The following OXSR1 variants were observed in gnomAD, a reference collection of about 807,000 sequenced individuals.
OXSR1 encodes the protein oxidative stress responsive kinase 1.
Under a neutral mutation model 79.8 loss-of-function variants are expected in OXSR1, and 24 were observed. That is an observed-to-expected ratio of 0.30 (90% confidence interval 0.22 to 0.42). OXSR1 has a LOEUF of 0.42. Among genes scored for constraint, OXSR1 ranks in the 10% least tolerant of loss-of-function variants. The pLI is 1.00. For synonymous variants in OXSR1, 226 were observed against 209.2 expected (o/e 1.08, Z -0.69); for missense variants, 430 against 618.4 (o/e 0.70, Z 3.23).
chr3:38,166,717 G>C (rs1316083146), intron 1 of OXSR1, among the ~76,000 whole-genome samples: 2 of 150,808 alleles, frequency 1.3e-5, no homozygotes, highest in African/African-American at 4.9e-5. Context: ...TTGAACCCGG[G>C]AGGCGGAGCT....
chr3:38,178,351 G>A (rs1017640583), intron 1 of OXSR1, among the ~76,000 whole-genome samples: 16 of 152,032 alleles, frequency 1.1e-4, no homozygotes, highest in African/African-American at 1.9e-4. Context: ...TGTTGCCTAT[G>A]GTTGTGTTTA....
chr3:38,181,019 G>A (rs1298576026), intron 1 of OXSR1, among the ~76,000 whole-genome samples: 1 of 151,978 alleles, frequency 6.6e-6, no homozygotes, highest in African/African-American at 2.4e-5. Flanking sequence ...CACAGGCTTT[G>A]GGGATTAAGA....
chr3:38,203,913 C>T (rs1702217565), intron 4 of OXSR1, among the ~76,000 whole-genome samples: 1 of 152,212 alleles, frequency 6.6e-6, no homozygotes, highest in Admixed American at 6.5e-5. Context: ...CTGTGTTCCT[C>T]CTTTCATGGC....
intron 4 of OXSR1, among the ~76,000 whole-genome samples, chr3:38,212,133 A>G (rs928026309): frequency 7.9e-5 from 12 of 151,956 alleles, no homozygotes; most frequent in African/African-American, 2.7e-4. Context: ...TCCCTGGGTA[A>G]TTCTAATATG....
intron 8 of OXSR1, among the ~76,000 whole-genome samples, chr3:38,228,290 A>G (rs1248591362): frequency 6.6e-6 from 1 of 152,244 alleles, no homozygotes; most frequent in Non-Finnish European, 1.5e-5. Context: ...GTCAGAAGAA[A>G]GGAATGAATA....
intron 16 of OXSR1, among the ~76,000 whole-genome samples, chr3:38,251,995 C>T (rs752112766): frequency 4.6e-5 from 7 of 152,212 alleles, no homozygotes; most frequent in Non-Finnish European, 1.0e-4. Flanking sequence ...CTTAGCTTGC[C>T]GGAGAACAAA....
intron 14 of OXSR1, among the ~76,000 whole-genome samples, chr3:38,248,465 G>A (rs1056568204): frequency 3.3e-5 from 5 of 151,184 alleles, no homozygotes; most frequent in Admixed American, 2.0e-4. Flanking sequence ...AAAAAAATTA[G>A]TATTAAAGTA....
intron 4 of OXSR1, among the ~76,000 whole-genome samples, chr3:38,200,245 CAG>C (rs3831838): frequency 2.3e-3 from 342 of 147,934 alleles, no homozygotes; most frequent in African/African-American, 2.0e-3. Context: ...CTTCTTTAGG[CAG>C]AGAGAGAGAG....
chr3:38,169,777 C>T (rs576993232), intron 1 of OXSR1, among the ~76,000 whole-genome samples: 1 of 151,568 alleles, frequency 6.6e-6, no homozygotes, highest in South Asian at 2.1e-4. Context: ...TACTCTGTCA[C>T]CTAGGGTGGA....
At position 38,189,975 on chromosome 3, in the gene OXSR1, G is replaced by A. The variant is rs148359360; in HGVS notation, c.184-756G>A. Among the ~76,000 whole-genome samples the A allele has an allele frequency of 6.4e-3, 967 of 152,274 alleles. 14 individuals are homozygous for A. The highest frequency in any genetic ancestry group is 0.021 in the African/African-American group (883 of 41,542). On this transcript the variant is annotated intron_variant, in intron 2 of 17. Transcript: ENST00000311806. The stretch of plus-strand genomic sequence containing the variant: ...GGGTGCTTGGAAGCTAAGAGAAGGA[G>A]CATCTAACTAAACCTGGGAAGCTGG...
At chr3:38,180,678 A>T (rs573392929) in intron 1 of OXSR1, among the ~76,000 whole-genome samples, 1 of 151,804 alleles carries the variant, frequency 6.6e-6, no homozygotes, top group Non-Finnish European at 1.5e-5. Flanking sequence ...CTATAAGTGC[A>T]CACCACCACG....
intron 12 of OXSR1, among the ~76,000 whole-genome samples, chr3:38,244,666 T>TGTGTGTGTGTGCGCGC (rs748851263): frequency 6.9e-5 from 10 of 144,062 alleles, no homozygotes; most frequent in South Asian, 2.2e-4. Flanking sequence ...TGTGTGTGTG[T>TGTGTGTGTGTGCGCGC]GCGTGCGCAT....
intron 1 of OXSR1, among the ~76,000 whole-genome samples, chr3:38,170,266 G>A (rs968623481): frequency 2.0e-5 from 3 of 151,810 alleles, no homozygotes; most frequent in South Asian, 2.1e-4. Flanking sequence ...GGCTGGTCTC[G>A]AACTCCTTAC....
At chr3:38,191,197 C>T (rs1701974895) in intron 3 of OXSR1, among the ~76,000 whole-genome samples, 2 of 152,010 alleles carry the variant, frequency 1.3e-5, no homozygotes, top group Admixed American at 6.6e-5. Flanking sequence ...AGGCATGTAC[C>T]ACCATGCTCA....
Position 38,252,990 on chromosome 3 carries a change from C to A in OXSR1, c.*99C>A. The A allele has an allele frequency of 1.1e-6, 1 of 887,830 alleles. No homozygotes were observed. The highest frequency in any genetic ancestry group is 2.0e-5 in the Admixed American group (1 of 51,126). The allele number at this position is 887,830 out of a possible 1,614,324, so 55.0% of individuals were successfully genotyped here. ...CCACTACTGCCAAAGAACCCAGCAA[C>A]AAACCTCCCGGCTAGGAGCTTTAGA... On this transcript the variant is annotated 3_prime_UTR_variant, in exon 18 of 18. Transcript: ENST00000311806.
chr3:38,222,038 G>A (rs1702599828), intron 6 of OXSR1, among the ~76,000 whole-genome samples: 1 of 152,110 alleles, frequency 6.6e-6, no homozygotes, highest in African/African-American at 2.4e-5. Context: ...CTTAATAGAT[G>A]CTTCACATAA....
At chr3:38,207,932 TTTCCTTCCTTCCTTCC>T (rs1202436620) in intron 4 of OXSR1, among the ~76,000 whole-genome samples, 2 of 95,126 alleles carry the variant, frequency 2.1e-5, no homozygotes, top group Admixed American at 1.5e-4. Flanking sequence ...CTCCCCTCCC[TTTCCTTCCTTCCTTCC>T]TTCCTTCCTT....
intron 8 of OXSR1, among the ~76,000 whole-genome samples, chr3:38,229,134 T>G (rs892638143): frequency 1.3e-5 from 2 of 152,102 alleles, no homozygotes; most frequent in Non-Finnish European, 2.9e-5. Context: ...AAACACTGAG[T>G]TTTGTTAAAT....
intron 2 of OXSR1, among the ~76,000 whole-genome samples, chr3:38,184,899 ATTTCTTTTTTTTTTTTTTTTTTTTTTTT>A (rs1405398714): frequency 2.7e-5 from 2 of 72,742 alleles, no homozygotes; most frequent in African/African-American, 1.0e-4. Flanking sequence ...TAGAAAGAAC[ATTTCTTTTTTTTTTTTTTTTTTTTTTTT>A]TTTTTTTTTT....
Sources: allele counts gnomAD v4.1 joint callset (sites outside exome capture counted in the v4.1 genomes callset), GRCh38; gene constraint gnomAD v4.1.1; transcripts MANE v1.5; gene names NCBI Gene and HGNC (gene_info 2026-07-23, HGNC 2026-07-21).